Variants in BCAR3 observed in about 807,000 individuals in gnomAD.
BCAR3 encodes BCAR3 adaptor protein, NSP family member.
A neutral mutation model predicts 80.1 loss-of-function variants in BCAR3; 37 were observed. The ratio of observed to expected loss-of-function variants is 0.46; its 90% CI spans 0.36 to 0.61. The LOEUF (loss-of-function observed/expected upper bound fraction) is 0.61. Ranked by LOEUF, BCAR3 falls within the 20% of genes least tolerant of loss-of-function variation. BCAR3 has a pLI of 0.00. For missense variants in BCAR3, 978 were observed against 1,068.2 expected (o/e 0.92, Z 1.18); for synonymous variants, 389 against 418.9 (o/e 0.93, Z 0.87).
At chr1:93,810,297 A>G (rs1043457363) in intron 2 of BCAR3, among the ~76,000 whole-genome samples, 1 of 152,086 alleles carries the variant, frequency 6.6e-6, no homozygotes, top group Non-Finnish European at 1.5e-5. Flanking sequence ...CGCATCTTCC[A>G]TAGCAATTAC....
At chr1:93,757,555 G>A (rs758318600) in intron 2 of BCAR3, among the ~76,000 whole-genome samples, 1 of 152,178 alleles carries the variant, frequency 6.6e-6, no homozygotes, top group African/African-American at 2.4e-5. Flanking sequence ...CGAGCATCAC[G>A]ACTCCTCTGC....
At chr1:93,595,987 G>A (rs1674405639) in intron 3 of BCAR3, among the ~76,000 whole-genome samples, 1 of 152,202 alleles carries the variant, frequency 6.6e-6, no homozygotes, top group Non-Finnish European at 1.5e-5. Context: ...TTCTATTCAT[G>A]GCATAGGCTA....
chr1:93,686,874 C>A (rs143129648), intron 3 of BCAR3, among the ~76,000 whole-genome samples: 10 of 152,298 alleles, frequency 6.6e-5, no homozygotes, highest in Non-Finnish European at 1.3e-4. Flanking sequence ...CCCTATTTTA[C>A]TGGTGAGAAG....
At chr1:93,759,814 G>C (rs1199468942) in intron 2 of BCAR3, among the ~76,000 whole-genome samples, 1 of 149,792 alleles carries the variant, frequency 6.7e-6, no homozygotes. Context: ...GGCTGGAACA[G>C]ACCAGTGGCT....
In BCAR3 at chr1:93,642,329, A is replaced by C; in HGVS notation, c.332T>G (p.Leu111Arg). The change falls in exon 3 of 12, where the codon CTG becomes CGG. Residue 111 changes from leucine (L) to arginine (R), a missense_variant. By Grantham distance (102) the Leu-to-Arg change is moderately radical. Transcript: ENST00000260502. Reference protein sequence around the residue: ...ETFTFRDPHLLDPTVEYVKFS... With the variant: ...ETFTFRDPHLRDPTVEYVKFS... The stretch of plus-strand genomic sequence containing the variant: ...CTTCACATATTCCACAGTTGGGTCC[A>C]GAAGATGTGGATCCCTGAAAAGAGA... 6.8e-6 allele frequency: 11 copies of C among 1,613,764 alleles called. No homozygotes were observed. The highest frequency in any genetic ancestry group is 7.6e-6 in the Non-Finnish European group (9 of 1,179,600).
chr1:93,833,904 T>C (rs903932699), intron 2 of BCAR3, among the ~76,000 whole-genome samples: 8 of 152,206 alleles, frequency 5.3e-5, no homozygotes, highest in African/African-American at 1.9e-4. Flanking sequence ...TAGGACATTA[T>C]AAGACTATTG....
intron 2 of BCAR3, among the ~76,000 whole-genome samples, chr1:93,834,265 G>A (rs1654683876): frequency 6.6e-6 from 1 of 152,080 alleles, no homozygotes; most frequent in South Asian, 2.1e-4. Context: ...AAGTCTTACA[G>A]GTTAGTTCAG....
intron 3 of BCAR3, among the ~76,000 whole-genome samples, chr1:93,616,097 A>T (rs1675117301): frequency 6.6e-6 from 1 of 152,222 alleles, no homozygotes; most frequent in African/African-American, 2.4e-5. Context: ...CAGCCAGGGT[A>T]AAAACAAAAC....
intron 3 of BCAR3, among the ~76,000 whole-genome samples, chr1:93,632,781 G>A (rs945992800): frequency 1.3e-5 from 2 of 152,132 alleles, no homozygotes; most frequent in Non-Finnish European, 2.9e-5. Flanking sequence ...CACTTCAGGA[G>A]GCCGAGGCAG....
At chr1:93,759,140 T>C (rs1651847718) in intron 2 of BCAR3, among the ~76,000 whole-genome samples, 1 of 152,192 alleles carries the variant, frequency 6.6e-6, no homozygotes, top group African/African-American at 2.4e-5. Context: ...AGCCGGCCCC[T>C]GACAACAATG....
intron 10 of BCAR3, 74 bp from the exon 11 acceptor site, chr1:93,567,565 C>A: frequency 2.0e-6 from 3 of 1,530,534 alleles, no homozygotes; most frequent in Non-Finnish European, 2.7e-6. Flanking sequence ...TGACTCATAG[C>A]CCTTGTCTTG....
At chr1:93,692,722 A>G (rs1310123282) in intron 3 of BCAR3, among the ~76,000 whole-genome samples, 1 of 152,052 alleles carries the variant, frequency 6.6e-6, no homozygotes, top group Non-Finnish European at 1.5e-5. Context: ...CCCAGTGTGA[A>G]CCCTTGTTCC....
chr1:93,566,820 C>T (rs1240077255), intron 11 of BCAR3, among the ~76,000 whole-genome samples: 1 of 152,118 alleles, frequency 6.6e-6, no homozygotes, highest in African/African-American at 2.4e-5. Flanking sequence ...CTCCGCCTCC[C>T]GGGTTCAAGT....
intron 3 of BCAR3, among the ~76,000 whole-genome samples, chr1:93,696,722 C>A (rs1339349136): frequency 1.3e-5 from 2 of 152,212 alleles, no homozygotes; most frequent in East Asian, 3.8e-4. Flanking sequence ...TTCCCCTGAA[C>A]TCACCCTTTA....
intron 2 of BCAR3, among the ~76,000 whole-genome samples, chr1:93,728,809 C>T (rs1312752397): frequency 6.6e-6 from 1 of 152,184 alleles, no homozygotes; most frequent in Non-Finnish European, 1.5e-5. Context: ...ATCTGTGTGT[C>T]TGCCTGCTAG....
At chr1:93,567,520 A>G in intron 10 of BCAR3, 29 bp from the exon 11 acceptor site, 1 of 1,607,156 alleles carries the variant, frequency 6.2e-7, no homozygotes, top group Non-Finnish European at 8.5e-7. Context: ...AGTTTTCCAT[A>G]TCACATGTTT....
intron 3 of BCAR3, among the ~76,000 whole-genome samples, chr1:93,698,233 C>G (rs983861085): frequency 6.6e-6 from 1 of 152,102 alleles, no homozygotes. Flanking sequence ...AGCCTATGCA[C>G]CTGTATCACA....
At chr1:93,773,334 T>C (rs1387660891) in intron 2 of BCAR3, among the ~76,000 whole-genome samples, 1 of 152,202 alleles carries the variant, frequency 6.6e-6, no homozygotes, top group Non-Finnish European at 1.5e-5. Context: ...AAAAAAAATC[T>C]TACAAGCTAA....
intron 2 of BCAR3, among the ~76,000 whole-genome samples, chr1:93,735,885 G>C (rs1650956187): frequency 6.6e-6 from 1 of 152,222 alleles, no homozygotes; most frequent in African/African-American, 2.4e-5. Flanking sequence ...GATTCTGCAG[G>C]CAGAGCAGAG....
Sources: allele counts gnomAD v4.1 joint callset (sites outside exome capture counted in the v4.1 genomes callset), GRCh38; gene constraint gnomAD v4.1.1; transcripts MANE v1.5; gene names NCBI Gene and HGNC (gene_info 2026-07-23, HGNC 2026-07-21).